AGBL4: variants seen among roughly 807,000 people sequenced by gnomAD.
AGBL4 encodes the protein cytosolic carboxypeptidase 6.
In AGBL4, 58 loss-of-function variants were observed where a neutral mutation model predicts 66.4. That is an observed-to-expected ratio of 0.87 (90% CI 0.71 to 1.09). The LOEUF is 1.09. AGBL4 is among the 50% of genes least tolerant of loss of function. The pLI, the probability that AGBL4 is intolerant of heterozygous loss-of-function variation, is 0.00. For synonymous variants in AGBL4, 234 were observed against 222.9 expected (o/e 1.05, Z -0.44); for missense variants, 579 against 631.0 (o/e 0.92, Z 0.88).
intron 3 of AGBL4, among the ~76,000 whole-genome samples, chr1:49,333,362 C>A (rs1387352718): frequency 6.6e-6 from 1 of 152,150 alleles, no homozygotes; most frequent in Admixed American, 6.5e-5. Context: ...CCTGTAATCC[C>A]AGCCACTTGG....
At chr1:49,120,094 C>A (rs191989317) in intron 4 of AGBL4, among the ~76,000 whole-genome samples, 1 of 152,024 alleles carries the variant, frequency 6.6e-6, no homozygotes, top group Admixed American at 6.5e-5. Flanking sequence ...AGATGGGTCT[C>A]CTGAATACAG....
chr1:48,697,968 G>A (rs1027827153), intron 6 of AGBL4, among the ~76,000 whole-genome samples: 3 of 152,174 alleles, frequency 2.0e-5, no homozygotes, highest in South Asian at 2.1e-4. Context: ...TCCCTCAGCC[G>A]GATTCCAGAC....
At chr1:49,156,723 A>G (rs1646437458) in intron 4 of AGBL4, among the ~76,000 whole-genome samples, 1 of 152,184 alleles carries the variant, frequency 6.6e-6, no homozygotes, top group Non-Finnish European at 1.5e-5. Context: ...TTTCAGAGTA[A>G]TATAACCTTA....
At chr1:49,241,929 A>C (rs1487343546) in intron 4 of AGBL4, among the ~76,000 whole-genome samples, 1 of 151,992 alleles carries the variant, frequency 6.6e-6, no homozygotes, top group Non-Finnish European at 1.5e-5. Context: ...AGCATGGCTC[A>C]TCATGTTATT....
intron 3 of AGBL4, among the ~76,000 whole-genome samples, chr1:49,382,063 C>G (rs1034101604): frequency 1.3e-5 from 2 of 151,936 alleles, no homozygotes; most frequent in African/African-American, 4.8e-5. Context: ...GACTTTCACA[C>G]AACAGTATTC....
chr1:49,412,186 T>C (rs564910904), intron 3 of AGBL4, among the ~76,000 whole-genome samples: 2 of 152,278 alleles, frequency 1.3e-5, no homozygotes, highest in Admixed American at 1.3e-4. Context: ...GGGTGGCTTA[T>C]AAACACCAAA....
chr1:49,228,375 G>C (rs1570137262), intron 4 of AGBL4, among the ~76,000 whole-genome samples: 1 of 152,114 alleles, frequency 6.6e-6, no homozygotes, highest in Non-Finnish European at 1.5e-5. Flanking sequence ...ATATGATAAG[G>C]CTATAACAAA....
At chr1:49,140,596 G>T (rs1646099242) in intron 4 of AGBL4, among the ~76,000 whole-genome samples, 1 of 152,178 alleles carries the variant, frequency 6.6e-6, no homozygotes, top group South Asian at 2.1e-4. Context: ...TGCTGCCAAG[G>T]TTCCAGGTAC....
chr1:48,814,543 C>T (rs942664605), intron 6 of AGBL4, among the ~76,000 whole-genome samples: 1 of 151,388 alleles, frequency 6.6e-6, no homozygotes, highest in Non-Finnish European at 1.5e-5. Context: ...AGCCCTAGAA[C>T]TTATTCCTCC....
At chr1:48,579,495 C>A (rs962920183) in intron 11 of AGBL4, among the ~76,000 whole-genome samples, 12 of 151,624 alleles carry the variant, frequency 7.9e-5, no homozygotes, top group Admixed American at 2.6e-4. Flanking sequence ...CCCGCCTCAG[C>A]CTCCCAAATT....
intron 3 of AGBL4, among the ~76,000 whole-genome samples, chr1:49,459,760 T>C (rs1047157909): frequency 6.6e-6 from 1 of 151,776 alleles, no homozygotes; most frequent in Non-Finnish European, 1.5e-5. Flanking sequence ...AGAAAGTCTA[T>C]TTGTGCTCTT....
chr1:48,863,579 A>T (rs1247897300), intron 6 of AGBL4, among the ~76,000 whole-genome samples: 1 of 152,116 alleles, frequency 6.6e-6, no homozygotes, highest in Non-Finnish European at 1.5e-5. Context: ...ATTTATTATA[A>T]ATAAGACAAT....
intron 5 of AGBL4, among the ~76,000 whole-genome samples, chr1:48,990,497 T>C (rs551096511): frequency 1.3e-5 from 2 of 152,168 alleles, no homozygotes; most frequent in African/African-American, 2.4e-5. Context: ...CAATATTTTC[T>C]TGTAGTAGTT....
intron 2 of AGBL4, among the ~76,000 whole-genome samples, chr1:49,833,784 G>A (rs1316675815): frequency 6.6e-6 from 1 of 152,016 alleles, no homozygotes; most frequent in African/African-American, 2.4e-5. Context: ...TCATGATTTG[G>A]CTCTCTGTTT....
chr1:49,769,956 T>G (rs920870184), intron 2 of AGBL4, among the ~76,000 whole-genome samples: 1 of 152,066 alleles, frequency 6.6e-6, no homozygotes, highest in African/African-American at 2.4e-5. Context: ...AAACAAAAAT[T>G]GACAAGTGGG....
chr1:49,613,825 C>A (rs1277055115), intron 3 of AGBL4, among the ~76,000 whole-genome samples: 1 of 152,074 alleles, frequency 6.6e-6, no homozygotes, highest in East Asian at 1.9e-4. Context: ...ATCCCAAAAC[C>A]ATCCCCCCAT....
chr1:49,124,635 T>A (rs1488319670), intron 4 of AGBL4, among the ~76,000 whole-genome samples: 1 of 152,186 alleles, frequency 6.6e-6, no homozygotes, highest in African/African-American at 2.4e-5. Flanking sequence ...TGAAACTAGT[T>A]TCTTCATGTA....
chr1:49,073,462 G>A (rs1331927377), intron 4 of AGBL4, among the ~76,000 whole-genome samples: 1 of 150,642 alleles, frequency 6.6e-6, no homozygotes, highest in Admixed American at 6.6e-5. Context: ...TGATGTTGAT[G>A]CTATTCCTTC....
chr1:49,221,589 G>A lies in AGBL4; in HGVS notation c.377+24181C>T, dbSNP rs151001193. On this transcript the variant is annotated intron_variant, in intron 4 of 13. Coordinates refer to ENST00000371839, the MANE Select transcript of AGBL4 (RefSeq NM_032785.4). ...ATATTCCCTTGCATCGCATTTCACC[G>A]TTTACAAACCATATTCTTATTTACT... Among the ~76,000 whole-genome samples the A allele has an allele frequency of 6.0e-4, 92 of 152,132 alleles. 1 individual carries two copies. The highest frequency in any genetic ancestry group is 1.9e-3 in the African/African-American group (78 of 41,516).
Sources: gnomAD v4.1 joint callset for allele counts (sites outside exome capture counted in the v4.1 genomes callset) on GRCh38, gnomAD v4.1.1 for gene constraint, MANE v1.5 for transcripts, NCBI Gene and HGNC (gene_info 2026-07-23, HGNC 2026-07-21) for gene names.